OPN5: variants seen among roughly 807,000 people sequenced by gnomAD.
OPN5 encodes the protein opsin-5.
A neutral mutation model predicts 41.7 loss-of-function variants in OPN5; 18 were observed. The ratio of observed to expected loss-of-function variants is 0.43; its 90% CI spans 0.30 to 0.64. The LOEUF (loss-of-function observed/expected upper bound fraction) is 0.64, where lower values mean the gene tolerates loss of function less well. Ranked by LOEUF, OPN5 falls within the 30% of genes least tolerant of loss-of-function variation. OPN5 has a pLI of 0.13. For synonymous variants in OPN5, 178 were observed against 164.3 expected, an observed-to-expected ratio of 1.08 and a Z score of -0.64; for missense variants, 318 against 434.5, an observed-to-expected ratio of 0.73 and a Z score of 2.38.
At chr6:47,824,223 G>A (rs1163798803) in exon 7 of OPN5, 1 of 562,858 alleles carries the variant, frequency 1.8e-6, no homozygotes, top group Admixed American at 3.0e-5. Context: ...TAACTAAAGA[G>A]TGCCAGAAAC....
At chr6:47,812,121 C>T (rs1774230863) in intron 6 of OPN5, among the ~76,000 whole-genome samples, 1 of 152,080 alleles carries the variant, frequency 6.6e-6, no homozygotes, top group African/African-American at 2.4e-5. Context: ...GTTTCTGGGG[C>T]TCATTCAGGT....
downstream of OPN5, chr6:47,825,002 G>T (rs528579373): frequency 3.3e-5 from 5 of 152,238 alleles, no homozygotes; most frequent in African/African-American, 1.2e-4. Context: ...CAGGCCAGGG[G>T]GAGAGTGGAA....
exon 2 of OPN5, chr6:47,786,553 A>G (rs774020717): frequency 4.4e-6 from 7 of 1,607,814 alleles, no homozygotes; most frequent in South Asian, 1.1e-5. Flanking sequence ...TGTCCTTTAC[A>G]TGTCTTCTAG....
chr6:47,790,012 G>A (rs1023974001), intron 2 of OPN5, among the ~76,000 whole-genome samples: 2 of 151,882 alleles, frequency 1.3e-5, no homozygotes, highest in Admixed American at 6.6e-5. Flanking sequence ...TTCTAATGGA[G>A]GGTCAAGGAA....
At chr6:47,785,320 T>C (rs1362957608) in intron 1 of OPN5, among the ~76,000 whole-genome samples, 1 of 152,194 alleles carries the variant, frequency 6.6e-6, no homozygotes, top group Non-Finnish European at 1.5e-5. Context: ...TTTATTTTTC[T>C]CTTCTTCTGC....
At chr6:47,794,416 G>C (rs947734796) in intron 3 of OPN5, among the ~76,000 whole-genome samples, 1 of 152,158 alleles carries the variant, frequency 6.6e-6, no homozygotes, top group Non-Finnish European at 1.5e-5. Flanking sequence ...AAATCAGGCC[G>C]ACCTGTCTTT....
At chr6:47,811,653 T>G (rs1774208671) in intron 5 of OPN5, 21 bp from the exon 6 acceptor site, 2 of 1,591,982 alleles carry the variant, frequency 1.3e-6, no homozygotes, top group South Asian at 1.1e-5. Flanking sequence ...TTAAATTGCA[T>G]TTTTCTTCTC....
At position 47,807,718 on chromosome 6, in the gene OPN5, T is replaced by G. The variant is rs200504081; in HGVS notation, c.757-436T>G. On this transcript the variant is annotated intron_variant, in intron 4 of 6. Coordinates refer to ENST00000371211, the Ensembl canonical transcript of OPN5. ...AAATTTCTGAACATGCAAATTAGAA[T>G]TTCAAACTAGGGCAGAATTTCTGTT... Among the ~76,000 whole-genome samples the G allele has an allele frequency of 7.9e-5, 12 of 152,220 alleles. No homozygotes were observed. The East Asian group carries it at 2.3e-3, about 29-fold the overall frequency.
intron 6 of OPN5, among the ~76,000 whole-genome samples, chr6:47,813,110 C>CAAAAAAA (rs1189106345): frequency 8.7e-6 from 1 of 114,342 alleles, no homozygotes; most frequent in African/African-American, 2.9e-5. Flanking sequence ...ACAACAACAA[C>CAAAAAAA]AACAAGCAAC....
chr6:47,823,234 A>G (rs767512863), intron 6 of OPN5, among the ~76,000 whole-genome samples: 1 of 152,176 alleles, frequency 6.6e-6, no homozygotes, highest in Non-Finnish European at 1.5e-5. Context: ...GTTTGGCTTC[A>G]AGGAGGAAGC....
intron 3 of OPN5, 34 bp downstream of exon 3, chr6:47,792,006 A>G (rs577557394): frequency 1.3e-6 from 2 of 1,515,990 alleles, no homozygotes; most frequent in South Asian, 2.3e-5. Flanking sequence ...CCTGACAGTT[A>G]AAGCTAGGTG....
chr6:47,801,680 C>T (rs1471549593), intron 4 of OPN5, among the ~76,000 whole-genome samples: 2 of 152,216 alleles, frequency 1.3e-5, no homozygotes, highest in East Asian at 1.9e-4. Flanking sequence ...GCAGCCTTTA[C>T]GTTATCTTCT....
chr6:47,789,882 A>C (rs1773313066), intron 2 of OPN5, among the ~76,000 whole-genome samples: 1 of 141,670 alleles, frequency 7.1e-6, no homozygotes, highest in Non-Finnish European at 1.5e-5. Context: ...TAGAGGTTTG[A>C]AGAGCTTCCT....
At chr6:47,782,578 G>A (rs992529197) in intron 1 of OPN5, among the ~76,000 whole-genome samples, 5 of 152,100 alleles carry the variant, frequency 3.3e-5, no homozygotes, top group African/African-American at 1.2e-4. Context: ...GGTTGAGAAT[G>A]GGCCTTAAAA....
At chr6:47,823,899 T>C in intron 6 of OPN5, 84 bp from the exon 7 acceptor site, 2 of 958,266 alleles carry the variant, frequency 2.1e-6, no homozygotes, top group Non-Finnish European at 3.3e-6. Context: ...GTGTGGTATG[T>C]TTAGGCTCTG....
intron 1 of OPN5, among the ~76,000 whole-genome samples, chr6:47,784,596 C>T (rs1773155225): frequency 6.6e-6 from 1 of 152,016 alleles, no homozygotes; most frequent in Non-Finnish European, 1.5e-5. Flanking sequence ...CCGCGCCTGG[C>T]CAAGATGTGT....
At chr6:47,792,380 C>T (rs192597262) in intron 3 of OPN5, among the ~76,000 whole-genome samples, 7 of 152,334 alleles carry the variant, frequency 4.6e-5, no homozygotes, top group African/African-American at 1.4e-4. Context: ...TTAGGACTCA[C>T]GCTCCCTGTG....
intron 2 of OPN5, among the ~76,000 whole-genome samples, chr6:47,790,339 G>T (rs901903424): frequency 6.6e-6 from 1 of 152,102 alleles, no homozygotes; most frequent in East Asian, 1.9e-4. Flanking sequence ...TGGAACCTTG[G>T]TTGCTTAATA....
chr6:47,786,325 C>A (rs1225112990), intron 1 of OPN5, among the ~76,000 whole-genome samples, 190 bp from the exon 2 acceptor site: 1 of 152,182 alleles, frequency 6.6e-6, no homozygotes, highest in Non-Finnish European at 1.5e-5. Context: ...TCCCTGACTC[C>A]TGCCCCATTG....
Sources: allele counts gnomAD v4.1 joint callset (sites outside exome capture counted in the v4.1 genomes callset), GRCh38; gene constraint gnomAD v4.1.1; transcripts MANE v1.5; gene names NCBI Gene and HGNC (gene_info 2026-07-23, HGNC 2026-07-21).